Variants in SLC10A7 observed in about 807,000 individuals in gnomAD.
The protein encoded by SLC10A7 is solute carrier family 10 member 7.
In SLC10A7, 29 loss-of-function variants were observed where a neutral mutation model predicts 43.2. The observed-to-expected ratio is 0.67, with a 90% confidence interval of 0.50 to 0.92. The LOEUF is 0.92. Ranked by LOEUF, SLC10A7 falls within the 40% of genes least tolerant of loss-of-function variation. The probability of loss-of-function intolerance (pLI) is 0.00; values close to 1 mark genes in which losing one functional copy is unlikely to be tolerated. For synonymous variants in SLC10A7, 152 were observed against 144.8 expected (o/e 1.05, Z -0.35); for missense variants, 295 against 403.2 (o/e 0.73, Z 2.30).
chr4:146,287,027 G>GGACTGTGTCTGGAGTGGTGAGAAC (rs1730051618), intron 9 of SLC10A7, among the ~76,000 whole-genome samples: 1 of 148,230 alleles, frequency 6.7e-6, no homozygotes, highest in African/African-American at 2.5e-5. Flanking sequence ...GTGGTGAGAA[G>GGACTGTGTCTGGAGTGGTGAGAAC]GACTGAGTTT....
chr4:146,309,788 G>A (rs1422181370), intron 6 of SLC10A7, among the ~76,000 whole-genome samples: 2 of 152,070 alleles, frequency 1.3e-5, no homozygotes, highest in Non-Finnish European at 2.9e-5. Context: ...ACTTTCATGT[G>A]ACAGACACTG....
At chr4:146,298,954 G>T (rs1253303341) in intron 7 of SLC10A7, among the ~76,000 whole-genome samples, 2 of 152,148 alleles carry the variant, frequency 1.3e-5, no homozygotes, top group African/African-American at 4.8e-5. Context: ...AGTCAATAAT[G>T]ATTTAAACCA....
chr4:146,439,449 T>C (rs752379343), intron 5 of SLC10A7, among the ~76,000 whole-genome samples: 22 of 152,120 alleles, frequency 1.4e-4, no homozygotes, highest in Non-Finnish European at 2.8e-4. Context: ...TTTCAGATTG[T>C]ATTATATTTA....
At chr4:146,282,284 A>C (rs1324946951) in intron 10 of SLC10A7, among the ~76,000 whole-genome samples, 1 of 152,202 alleles carries the variant, frequency 6.6e-6, no homozygotes, top group African/African-American at 2.4e-5. Context: ...TAAGACTGAC[A>C]GTAGACTATC....
chr4:146,435,142 ATTTT>A (rs1338287247), intron 5 of SLC10A7, among the ~76,000 whole-genome samples: 2 of 152,166 alleles, frequency 1.3e-5, no homozygotes, highest in African/African-American at 4.8e-5. Context: ...TTAAAAAATG[ATTTT>A]TTTATTTCAA....
intron 5 of SLC10A7, among the ~76,000 whole-genome samples, chr4:146,349,276 A>G (rs752826729): frequency 5.9e-5 from 9 of 152,218 alleles, no homozygotes; most frequent in Non-Finnish European, 1.2e-4. Context: ...AACATCAACA[A>G]TTATCAAAGA....
intron 5 of SLC10A7, among the ~76,000 whole-genome samples, chr4:146,402,768 T>C (rs1160632072): frequency 1.3e-5 from 2 of 152,200 alleles, no homozygotes; most frequent in South Asian, 2.1e-4. Context: ...GGGGCCTCTA[T>C]TACTGCTTTA....
rs1253325887 is a variant in SLC10A7, at chr4:146,255,340, G to A, written c.*1151C>T. ...TTACTTGATATTTTGGTTATTAAATGGTTTTGCATGTTCTTTTCATCTGGA... is the reference window on the plus strand; with the variant it reads ...TTACTTGATATTTTGGTTATTAAATAGTTTTGCATGTTCTTTTCATCTGGA... On this transcript the variant is annotated 3_prime_UTR_variant, in exon 12 of 12. Coordinates refer to ENST00000335472, the MANE Select transcript of SLC10A7 (RefSeq NM_001029998.6). The A allele has an allele frequency of 6.6e-6, 1 of 152,598 alleles. No individual in the cohort carries two copies. The highest frequency in any genetic ancestry group is 1.5e-5 in the Non-Finnish European group (1 of 68,026). 9.5% of individuals were successfully genotyped at this position (152,598 alleles called of 1,614,324 possible).
chr4:146,501,576 A>G (rs1736423445), intron 4 of SLC10A7, among the ~76,000 whole-genome samples: 1 of 152,224 alleles, frequency 6.6e-6, no homozygotes, highest in African/African-American at 2.4e-5. Flanking sequence ...GGGTAGACCT[A>G]CAAGACAGTA....
At chr4:146,324,118 G>T (rs1332230045) in intron 6 of SLC10A7, among the ~76,000 whole-genome samples, 1 of 152,152 alleles carries the variant, frequency 6.6e-6, no homozygotes, top group Non-Finnish European at 1.5e-5. Flanking sequence ...ACTTACAAGG[G>T]ATATGAAGGA....
At chr4:146,411,130 C>T (rs1010167471) in intron 5 of SLC10A7, among the ~76,000 whole-genome samples, 3 of 152,058 alleles carry the variant, frequency 2.0e-5, no homozygotes, top group Non-Finnish European at 4.4e-5. Flanking sequence ...CCACCTTGCC[C>T]GGCCTTCTTC....
chr4:146,498,489 C>T (rs1210261543), intron 4 of SLC10A7, among the ~76,000 whole-genome samples: 2 of 152,122 alleles, frequency 1.3e-5, no homozygotes, highest in Non-Finnish European at 2.9e-5. Flanking sequence ...GCCACAATCA[C>T]CACCAGCTGG....
intron 5 of SLC10A7, among the ~76,000 whole-genome samples, chr4:146,423,285 A>G (rs1729089633): frequency 6.6e-6 from 1 of 152,168 alleles, no homozygotes; most frequent in African/African-American, 2.4e-5. Context: ...TCCTAGGTCT[A>G]TTTAACAAGT....
chr4:146,295,884 T>C (rs1304656127), intron 7 of SLC10A7, among the ~76,000 whole-genome samples: 3 of 152,150 alleles, frequency 2.0e-5, no homozygotes, highest in African/African-American at 4.8e-5. Flanking sequence ...CTCTCTGCAA[T>C]AGGTTATAGA....
At chr4:146,379,811 T>C (rs547809413) in intron 5 of SLC10A7, among the ~76,000 whole-genome samples, 2 of 152,348 alleles carry the variant, frequency 1.3e-5, no homozygotes, top group South Asian at 4.1e-4. Flanking sequence ...ATCAGATATA[T>C]TATTCCTAGC....
chr4:146,289,674 T>C (rs1027953738), intron 9 of SLC10A7, among the ~76,000 whole-genome samples: 1 of 148,826 alleles, frequency 6.7e-6, no homozygotes, highest in Non-Finnish European at 1.5e-5. Flanking sequence ...TATTACAAAG[T>C]AGCAAAGCTA....
intron 4 of SLC10A7, among the ~76,000 whole-genome samples, chr4:146,485,868 GAC>G (rs1266144699): frequency 6.6e-6 from 1 of 151,996 alleles, no homozygotes; most frequent in Non-Finnish European, 1.5e-5. Flanking sequence ...GATAAGGAGA[GAC>G]AATGACGAAA....
chr4:146,513,540 G>A (rs1001873720), intron 2 of SLC10A7, among the ~76,000 whole-genome samples: 4 of 152,122 alleles, frequency 2.6e-5, no homozygotes, highest in African/African-American at 4.8e-5. Context: ...ACTAAAATGT[G>A]CTTAGAAAAT....
At chr4:146,345,695 G>A (rs1434205011) in intron 5 of SLC10A7, among the ~76,000 whole-genome samples, 5 of 152,060 alleles carry the variant, frequency 3.3e-5, no homozygotes, top group African/African-American at 1.2e-4. Flanking sequence ...ATTAATGCCT[G>A]CGTCTCCTTC....
Sources: allele counts gnomAD v4.1 joint callset (sites outside exome capture counted in the v4.1 genomes callset), GRCh38; gene constraint gnomAD v4.1.1; transcripts MANE v1.5; gene names NCBI Gene and HGNC (gene_info 2026-07-23, HGNC 2026-07-21).